Variants in STRN observed in about 807,000 individuals in gnomAD.
The protein encoded by STRN is striatin, also known as protein phosphatase 2 regulatory subunit B'''alpha.
In STRN, 53 loss-of-function variants were observed where a neutral mutation model predicts 96.3. The observed-to-expected ratio is 0.55, with a 90% CI of 0.44 to 0.69. The LOEUF (loss-of-function observed/expected upper bound fraction) is 0.69, where lower values mean the gene tolerates loss of function less well. STRN is among the 30% of genes least tolerant of loss of function. The probability of loss-of-function intolerance (pLI) is 0.00; values close to 1 mark genes in which losing one functional copy is unlikely to be tolerated. For missense variants in STRN, 987 were observed against 963.9 expected, an observed-to-expected ratio of 1.02 and a Z score of -0.32; for synonymous variants, 428 against 355.9, an observed-to-expected ratio of 1.20 and a Z score of -2.28.
At chr2:36,908,360 G>C (rs1669875791) in intron 3 of STRN, among the ~76,000 whole-genome samples, 2 of 152,076 alleles carry the variant, frequency 1.3e-5, no homozygotes, top group Non-Finnish European at 2.9e-5. Context: ...AGAAGAACAA[G>C]GAATGAATTA....
intron 10 of STRN, among the ~76,000 whole-genome samples, chr2:36,873,556 T>C (rs1002068888): frequency 6.6e-6 from 1 of 151,964 alleles, no homozygotes; most frequent in Non-Finnish European, 1.5e-5. Context: ...TAAGATTCTG[T>C]CTCAAAAAAA....
chr2:36,938,784 T>C (rs1670769461), intron 1 of STRN, among the ~76,000 whole-genome samples: 1 of 152,228 alleles, frequency 6.6e-6, no homozygotes, highest in African/African-American at 2.4e-5. Context: ...TCATCCTTTA[T>C]ATCTTACTTA....
chr2:36,919,520 C>G (rs1670193562), intron 2 of STRN, among the ~76,000 whole-genome samples: 1 of 151,372 alleles, frequency 6.6e-6, no homozygotes, highest in Non-Finnish European at 1.5e-5. Flanking sequence ...AAACAGCAGA[C>G]AGAATAATTA....
At chr2:36,938,829 G>T (rs1420285074) in intron 1 of STRN, among the ~76,000 whole-genome samples, 2 of 152,068 alleles carry the variant, frequency 1.3e-5, no homozygotes, top group African/African-American at 4.8e-5. Flanking sequence ...TATGTCTGCT[G>T]AATGAAACTT....
At chr2:36,901,278 C>G (rs866602984) in intron 5 of STRN, among the ~76,000 whole-genome samples, 1 of 152,014 alleles carries the variant, frequency 6.6e-6, no homozygotes, top group Non-Finnish European at 1.5e-5. Flanking sequence ...ATTGGCCAGG[C>G]GTGGGGGCTC....
At chr2:36,922,540 A>T (rs867573543) in intron 2 of STRN, among the ~76,000 whole-genome samples, 24 of 150,758 alleles carry the variant, frequency 1.6e-4, no homozygotes, top group Non-Finnish European at 1.9e-4. Flanking sequence ...AAAAAAAAAA[A>T]ATTAAACCTC....
chr2:36,861,951 G>C (rs1668497881), intron 12 of STRN, among the ~76,000 whole-genome samples: 1 of 152,032 alleles, frequency 6.6e-6, no homozygotes, highest in South Asian at 2.1e-4. Context: ...GTTGGCCCTA[G>C]TGTCTATTGT....
chr2:36,888,831 C>T (rs1314972557), intron 7 of STRN, among the ~76,000 whole-genome samples: 3 of 151,994 alleles, frequency 2.0e-5, no homozygotes, highest in Non-Finnish European at 4.4e-5. Context: ...CAGGTGTGTA[C>T]CACCATGCCC....
intron 10 of STRN, among the ~76,000 whole-genome samples, chr2:36,876,453 C>T (rs1483313598): frequency 6.6e-6 from 1 of 152,018 alleles, no homozygotes; most frequent in African/African-American, 2.4e-5. Context: ...ACCCAAAAGA[C>T]TTACTAATGG....
chr2:36,965,697 G>A (rs1031297011), intron 1 of STRN, among the ~76,000 whole-genome samples: 1 of 152,150 alleles, frequency 6.6e-6, no homozygotes, highest in Admixed American at 6.5e-5. Flanking sequence ...TAAAAAAAGG[G>A]ATCTGATATA....
At chr2:36,940,778 A>G (rs1249102291) in intron 1 of STRN, among the ~76,000 whole-genome samples, 2 of 144,554 alleles carry the variant, frequency 1.4e-5, no homozygotes, top group Non-Finnish European at 3.0e-5. Flanking sequence ...CAGAGCTTGC[A>G]GTGGGCCAAG....
At chr2:36,949,904 T>A (rs1664708267) in intron 1 of STRN, among the ~76,000 whole-genome samples, 1 of 151,414 alleles carries the variant, frequency 6.6e-6, no homozygotes, top group Non-Finnish European at 1.5e-5. Flanking sequence ...TTAGGTAGAG[T>A]GAGAGGACTT....
chr2:36,935,074 T>A (rs1300940652), intron 1 of STRN, among the ~76,000 whole-genome samples: 2 of 152,162 alleles, frequency 1.3e-5, no homozygotes, highest in East Asian at 3.9e-4. Context: ...GGGAGGATGG[T>A]GGGCAAAGGA....
rs1668015577 is a variant in STRN at position 36,844,358 on chromosome 2, A to C, written c.*5098T>G. Reference sequence around the variant, plus strand: ...CAAATTTAGCAGCTCTCTACAAGTCAATTAAAATACCATTCTCTGAGACAT... The same window carrying C: ...CAAATTTAGCAGCTCTCTACAAGTCCATTAAAATACCATTCTCTGAGACAT... On this transcript the variant is annotated 3_prime_UTR_variant, in exon 18 of 18. Coordinates refer to ENST00000263918, the MANE Select transcript of STRN (RefSeq NM_003162.4). The C allele has an allele frequency of 1.3e-5, 2 of 152,174 alleles. No homozygotes were observed. Among genetic ancestry groups the C allele is most frequent in the Non-Finnish European group, 2.9e-5 (2 of 68,016 alleles). The allele number at this position is 152,174 out of a possible 1,614,324, so 9.4% of individuals were successfully genotyped here. A position where few individuals can be genotyped will look rare whatever the true frequency, so the allele number is the denominator to read the frequency against.
At chr2:36,965,814 C>T in intron 1 of STRN, among the ~76,000 whole-genome samples, 1 of 152,198 alleles carries the variant, frequency 6.6e-6, no homozygotes, top group East Asian at 1.9e-4. Context: ...CCAAAGCCGG[C>T]ACGTTCTGCG....
At chr2:36,869,312 A>G (rs539592434) in intron 11 of STRN, among the ~76,000 whole-genome samples, 2 of 152,370 alleles carry the variant, frequency 1.3e-5, no homozygotes, top group Admixed American at 1.3e-4. Flanking sequence ...TTATGTATAA[A>G]GACTGTAATC....
At chr2:36,881,656 A>G (rs893494523) in intron 9 of STRN, among the ~76,000 whole-genome samples, 62 of 152,310 alleles carry the variant, frequency 4.1e-4, no homozygotes, top group African/African-American at 1.4e-3. Context: ...CAAACATTCA[A>G]TGCTTGAGTT....
chr2:36,948,746 T>C (rs932146780), intron 1 of STRN, among the ~76,000 whole-genome samples: 11 of 152,160 alleles, frequency 7.2e-5, no homozygotes, highest in African/African-American at 2.2e-4. Flanking sequence ...CACACCCTAA[T>C]TGCCAAATGA....
At chr2:36,859,940 G>GA (rs1488640717) in intron 13 of STRN, among the ~76,000 whole-genome samples, 2 of 152,102 alleles carry the variant, frequency 1.3e-5, no homozygotes, top group African/African-American at 2.4e-5. Context: ...GAAGCACAGA[G>GA]AAAAAACATG....
Sources: allele counts gnomAD v4.1 joint callset (sites outside exome capture counted in the v4.1 genomes callset), GRCh38; gene constraint gnomAD v4.1.1; transcripts MANE v1.5; gene names NCBI Gene and HGNC (gene_info 2026-07-23, HGNC 2026-07-21).